Variants in PLCH2 observed in about 807,000 individuals in gnomAD.
PLCH2 encodes the protein 1-phosphatidylinositol 4,5-bisphosphate phosphodiesterase eta-2.
A neutral mutation model predicts 134.7 loss-of-function variants in PLCH2; 98 were observed. The ratio of observed to expected loss-of-function variants is 0.73; its 90% CI spans 0.62 to 0.86. PLCH2 has a LOEUF of 0.86. Ranked by LOEUF, PLCH2 falls within the 40% of genes least tolerant of loss-of-function variation. The probability of loss-of-function intolerance (pLI) is 0.00; values close to 1 mark genes in which losing one functional copy is unlikely to be tolerated. For missense variants in PLCH2, 1,994 were observed against 1,986.6 expected, an observed-to-expected ratio of 1.00 and a Z score of -0.07; for synonymous variants, 974 against 827.5, an observed-to-expected ratio of 1.18 and a Z score of -3.04.
chr1:2,438,061 G>C (rs1006566833), intron 2 of PLCH2, among the ~76,000 whole-genome samples: 2 of 152,240 alleles, frequency 1.3e-5, no homozygotes, highest in Non-Finnish European at 2.9e-5. Context: ...TTGGCAACTT[G>C]GTTGTGTGCT....
chr1:2,467,470 G>T, exon 1 of PLCH2: 1 of 393,328 alleles, frequency 2.5e-6, no homozygotes, highest in Non-Finnish European at 4.5e-6. Flanking sequence ...ACGGGCGGGC[G>T]CGGCAGGGCA....
chr1:2,501,729 G>A lies in PLCH2; in HGVS notation c.2662-383G>A, dbSNP rs546021903. 8.0e-5 allele frequency: 17 copies of A among 213,782 alleles called. No homozygotes were observed. In the East Asian group the frequency reaches 1.3e-3, roughly 16 times the overall value. 13.2% of individuals were successfully genotyped at this position (213,782 alleles called of 1,614,324 possible). On this transcript the variant is annotated intron_variant, in intron 20 of 21. Coordinates refer to ENST00000378486, the MANE Select transcript of PLCH2 (RefSeq NM_014638.4). ...GTCCCCTGCTAGCGCCGGGGGCTGC[G>A]GGCCTCTGAGCAGGTGCAGGCTGTG...
At chr1:2,465,092 G>A (rs1640993809), upstream of PLCH2, among the ~76,000 whole-genome samples, 1 of 152,186 alleles carries the variant, frequency 6.6e-6, no homozygotes, top group Non-Finnish European at 1.5e-5. Flanking sequence ...ACAGGGGAAG[G>A]GGGATCAGCT....
chr1:2,462,316 T>G (rs1202405438), intron 2 of PLCH2, among the ~76,000 whole-genome samples: 1 of 30,344 alleles, frequency 3.3e-5, no homozygotes, highest in Admixed American at 4.1e-4. Flanking sequence ...TGACACCCCC[T>G]CTGCCTGACA....
At chr1:2,442,772 T>C (rs1639750033) in intron 2 of PLCH2, among the ~76,000 whole-genome samples, 1 of 152,174 alleles carries the variant, frequency 6.6e-6, no homozygotes, top group African/African-American at 2.4e-5. Context: ...GCCCTTCTTG[T>C]TCCAGAGTCT....
chr1:2,503,854 C>T lies in PLCH2; in HGVS notation c.2960-68C>T, dbSNP rs1322790025. The T allele has an allele frequency of 1.4e-5, 9 of 655,466 alleles. No homozygotes were observed. In the Admixed American group the frequency reaches 1.6e-4, roughly 11 times the overall value. The allele number at this position is 655,466 out of a possible 1,614,324, so 40.6% of individuals were successfully genotyped here. ...CCTGATCCGACTCCTCTCCGCCTCT[C>T]TCCCTGCCTCCCTCTCTCTCTTCTG... On this transcript the variant is annotated intron_variant, in intron 21 of 21. Coordinates refer to ENST00000378486, the MANE Select transcript of PLCH2 (RefSeq NM_014638.4).
In PLCH2 at chr1:2,479,904, A is replaced by G; in HGVS notation, c.442A>G (p.Thr148Ala). 1 of 1,611,926 alleles carries G rather than the reference A, an allele frequency of 6.2e-7. No individual in the cohort carries two copies. Among genetic ancestry groups the G allele is most frequent in the Admixed American group, 1.7e-5 (1 of 59,990 alleles). ...CAGCGAGGTGGCGCGCACCTGGGTC[A>G]CTGGCCTGCGCTACCTCATGGCCGG... ...TSSEVARTWVTGLRYLMAGIS... is the reference protein window; with the variant it reads ...TSSEVARTWVAGLRYLMAGIS... Residue 148 changes from threonine to alanine, a missense_variant, in exon 3 of 22, where the codon ACT becomes GCT. Physicochemically the swap from Thr to Ala is moderately conservative, Grantham distance 58 (BLOSUM62 0). This residue lies in a region of PLCH2 where 1,094 missense variants were observed against 1,234.3 expected (regional missense o/e 0.89). Transcript: ENST00000378486.
At chr1:2,464,555 A>T (rs1640966388), upstream of PLCH2, among the ~76,000 whole-genome samples, 1 of 152,098 alleles carries the variant, frequency 6.6e-6, no homozygotes, top group African/African-American at 2.4e-5. Context: ...TTTTCTTTGG[A>T]GATGAGACGT....
At position 2,495,550 on chromosome 1, in the gene PLCH2, C is replaced by T. The variant is rs943698496; in HGVS notation, c.1815C>T (p.Ser605=). The T allele has an allele frequency of 6.5e-6, 10 of 1,550,002 alleles. No individual in the cohort carries two copies. The African/African-American group carries it at 1.1e-4, about 17-fold the overall frequency. The change falls in exon 13 of 22, where the codon TCC becomes TCT. Residue 605 remains serine, a synonymous_variant. Transcript: ENST00000378486. The stretch of plus-strand genomic sequence containing the variant: ...AGGAGGGAGATGAGGGTCAGGACTC[C>T]CCGGGAGGCCAGAGCCGAGGGTAGG... ...SVEEGDEGQD[S]PGGQSRGATR...
In PLCH2 at chr1:2,504,937, G is replaced by C; in HGVS notation, c.3975G>C (p.Gly1325=). ...ITSPTSLGPA[G]EGVAGGPGFV... ...CACCCACCAGCCTGGGCCCGGCTGG[G>C]GAGGGGGTGGCAGGGGGCCCTGGTT... Residue 1325 remains glycine (G), a synonymous_variant, in exon 22 of 22, where the codon GGG becomes GGC. Transcript: ENST00000378486. 6.4e-7 allele frequency: 1 copy of C among 1,568,212 alleles called. No homozygotes were observed. Among genetic ancestry groups the C allele is most frequent in the East Asian group, 2.3e-5 (1 of 43,094 alleles).
intron 4 of PLCH2, among the ~76,000 whole-genome samples, chr1:2,483,242 C>T (rs1264962464): frequency 6.6e-6 from 1 of 152,148 alleles, no homozygotes; most frequent in Non-Finnish European, 1.5e-5. Flanking sequence ...GTGGCCAGGC[C>T]TGGGGTGAGC....
At chr1:2,473,699 G>A (rs967719903), upstream of PLCH2, among the ~76,000 whole-genome samples, 2 of 152,222 alleles carry the variant, frequency 1.3e-5, no homozygotes, top group Non-Finnish European at 2.9e-5. Flanking sequence ...AGGACTTCGA[G>A]GTCCCTGCCC....
intron 1 of PLCH2, 99 bp from the exon 2 acceptor site, chr1:2,478,377 T>C (rs1345643831): frequency 7.1e-7 from 1 of 1,417,300 alleles, no homozygotes; most frequent in Non-Finnish European, 9.8e-7. Flanking sequence ...ACGGCCGTGT[T>C]TCTCCCGTGA....
intron 16 of PLCH2, 135 bp downstream of exon 16, chr1:2,497,744 C>A: frequency 1.7e-6 from 1 of 595,040 alleles, no homozygotes; most frequent in African/African-American, 1.9e-5. Context: ...CCTGGAGGGT[C>A]AGGTTGGGAC....
At chr1:2,459,426 C>T (rs111483677) in intron 2 of PLCH2, among the ~76,000 whole-genome samples, 1,524 of 25,874 alleles carry the variant, frequency 0.059, 275 homozygotes, top group East Asian at 0.12. Flanking sequence ...TCCTCCTTGC[C>T]GGTGGTCCTC....
intron 2 of PLCH2, among the ~76,000 whole-genome samples, chr1:2,449,573 G>C (rs1252875103): frequency 6.6e-6 from 1 of 152,210 alleles, no homozygotes; most frequent in Non-Finnish European, 1.5e-5. Flanking sequence ...TTGAGGGAGT[G>C]GTGTCAGGTG....
intron 11 of PLCH2, among the ~76,000 whole-genome samples, chr1:2,491,894 G>C (rs893955219): frequency 4.6e-5 from 7 of 151,644 alleles, no homozygotes; most frequent in Non-Finnish European, 7.4e-5. Flanking sequence ...CGGTCTCCTG[G>C]TGCACAGAGC....
In PLCH2 at chr1:2,484,539, T is replaced by C. The variant is rs1642189403; in HGVS notation, c.737T>C (p.Leu246Pro). The change falls in exon 5 of 22, where the codon CTG becomes CCG. Residue 246 changes from leucine (L) to proline (P), a missense_variant. By Grantham distance (98) the Leu-to-Pro change is moderately conservative. Coordinates refer to ENST00000378486, the MANE Select transcript of PLCH2 (RefSeq NM_014638.4). ...KMMSTRRDLY[L>P]LMLTYSNHKD... ...ATGTCCACCCGCCGGGACCTCTACC[T>C]GCTCATGCTGACCTACAGCAACCAC... is the stretch of plus-strand genomic sequence containing the variant. 1 of 1,613,308 alleles carries C rather than the reference T, an allele frequency of 6.2e-7. No homozygotes were observed. Among genetic ancestry groups the C allele is most frequent in the East Asian group, 2.2e-5 (1 of 44,884 alleles).
chr1:2,491,377 C>T, intron 11 of PLCH2, 42 bp downstream of exon 11: 1 of 1,592,340 alleles, frequency 6.3e-7, no homozygotes, highest in Non-Finnish European at 8.6e-7. Flanking sequence ...CGACAGGCCC[C>T]CCCGACAGCC....
Sources: allele counts gnomAD v4.1 joint callset (sites outside exome capture counted in the v4.1 genomes callset), GRCh38; gene constraint gnomAD v4.1.1; regional missense constraint gnomAD v4.1.1; transcripts MANE v1.5; gene names NCBI Gene and HGNC (gene_info 2026-07-23, HGNC 2026-07-21).